Variants in PTPRD observed in about 807,000 individuals in gnomAD.
PTPRD encodes the protein receptor-type tyrosine-protein phosphatase delta.
A neutral mutation model predicts 214.5 loss-of-function variants in PTPRD; 34 were observed. That is an observed-to-expected ratio of 0.16 (90% CI 0.12 to 0.21). The LOEUF (loss-of-function observed/expected upper bound fraction) is 0.21. PTPRD is among the 10% of genes least tolerant of loss of function. PTPRD has a pLI of 1.00. For synonymous variants in PTPRD, 1,128 were observed against 845.7 expected, an observed-to-expected ratio of 1.33 and a Z score of -5.79; for missense variants, 2,545 against 2,398.7, an observed-to-expected ratio of 1.06 and a Z score of -1.27.
chr9:10,180,777 T>C (rs1217448462), intron 3 of PTPRD, among the ~76,000 whole-genome samples: 1 of 151,992 alleles, frequency 6.6e-6, no homozygotes, highest in Non-Finnish European at 1.5e-5. Flanking sequence ...TATTTATAAA[T>C]GTAAATATTT....
chr9:10,079,676 C>A (rs1432459936), intron 3 of PTPRD, among the ~76,000 whole-genome samples: 1 of 152,100 alleles, frequency 6.6e-6, no homozygotes, highest in East Asian at 1.9e-4. Flanking sequence ...ATCTGTTAAA[C>A]CCCAAGATCT....
chr9:9,964,158 T>C (rs914591847), intron 4 of PTPRD, among the ~76,000 whole-genome samples: 4 of 130,016 alleles, frequency 3.1e-5, no homozygotes, highest in Non-Finnish European at 5.4e-5. Flanking sequence ...CAGAAAGATA[T>C]CTATTTCAAT....
rs77682487 is a variant in PTPRD at position 9,318,534 on chromosome 9, T to G, written c.-203+78915A>C. On this transcript the variant is annotated intron_variant, in intron 9 of 45. Transcript: ENST00000381196. ...AAAGTATTACAAAATGTAATACTAC[T>G]AGCATCCAAATACTTTAGATCTATC... 3.3e-5 allele frequency among the ~76,000 whole-genome samples: 5 copies of G among 152,318 alleles called. No individual in the cohort carries two copies. In the East Asian group the frequency reaches 9.6e-4, roughly 29 times the overall value.
chr9:9,324,910 G>A (rs1202822819), intron 9 of PTPRD, among the ~76,000 whole-genome samples: 2 of 152,176 alleles, frequency 1.3e-5, no homozygotes, highest in African/African-American at 4.8e-5. Flanking sequence ...TTCTACGTAT[G>A]GCTAGCCAGT....
At chr9:8,619,732 C>G (rs1463379897) in intron 14 of PTPRD, among the ~76,000 whole-genome samples, 1 of 151,890 alleles carries the variant, frequency 6.6e-6, no homozygotes, top group Non-Finnish European at 1.5e-5. Context: ...ACAACCAACT[C>G]AGCAGCCCCT....
chr9:10,268,846 G>A (rs1184239127), intron 3 of PTPRD, among the ~76,000 whole-genome samples: 1 of 152,192 alleles, frequency 6.6e-6, no homozygotes, highest in East Asian at 1.9e-4. Flanking sequence ...GGTGAAGAGG[G>A]TTGGCTAAAT....
At chr9:10,535,099 G>T (rs1264356320) in intron 2 of PTPRD, among the ~76,000 whole-genome samples, 1 of 152,132 alleles carries the variant, frequency 6.6e-6, no homozygotes, top group African/African-American at 2.4e-5. Flanking sequence ...CAGCCTGAAT[G>T]TCAGGAACTG....
At chr9:9,393,957 T>A (rs960565979) in intron 9 of PTPRD, among the ~76,000 whole-genome samples, 29 of 152,138 alleles carry the variant, frequency 1.9e-4, no homozygotes, top group African/African-American at 6.8e-4. Flanking sequence ...AATACTTTCC[T>A]GATAGCTAGT....
rs758704298 is a variant in PTPRD, at chr9:10,076,331, G to T, written c.-544-42541C>A. On this transcript the variant is annotated intron_variant, in intron 3 of 45. Coordinates refer to ENST00000381196, the MANE Select transcript of PTPRD (RefSeq NM_002839.4). ...CAGCTGGGGAGAAAGGTTTAAGAGC[G>T]GGTGTAAACCTTATCTCTGTGGGAA... Among the ~76,000 whole-genome samples the T allele has an allele frequency of 1.3e-3, 191 of 151,998 alleles. 3 individuals are homozygous for T. Among genetic ancestry groups the T allele is most frequent in the Non-Finnish European group, 3.2e-4 (22 of 67,988 alleles).
intron 11 of PTPRD, among the ~76,000 whole-genome samples, chr9:9,017,189 C>A (rs1342105269): frequency 6.6e-6 from 1 of 152,088 alleles, no homozygotes; most frequent in Non-Finnish European, 1.5e-5. Context: ...ACAACAGCAA[C>A]AACCATAAAC....
rs772453868 is a variant in PTPRD at position 8,314,334 on chromosome 9, G to A, written c.*3540C>T. 10 of 225,948 alleles carry A rather than the reference G, an allele frequency of 4.4e-5. No homozygotes were observed. The highest frequency in any genetic ancestry group is 6.7e-5 in the African/African-American group (3 of 44,896). 14.0% of individuals were successfully genotyped at this position (225,948 alleles called of 1,614,324 possible). ...ACTGATTTTCATACAGACTTCTTTCGCCACCAATGTAACGAAGTAAGAAAA... is the reference window on the plus strand; with the variant it reads ...ACTGATTTTCATACAGACTTCTTTCACCACCAATGTAACGAAGTAAGAAAA... On this transcript the variant is annotated 3_prime_UTR_variant, in exon 46 of 46. Transcript: ENST00000381196.
chr9:10,456,448 A>G (rs904814552), intron 2 of PTPRD, among the ~76,000 whole-genome samples: 2 of 151,926 alleles, frequency 1.3e-5, no homozygotes, highest in South Asian at 2.1e-4. Context: ...TAAAAGATCA[A>G]AGTGAGAACT....
At chr9:9,239,264 G>T (rs902033881) in intron 9 of PTPRD, among the ~76,000 whole-genome samples, 1 of 151,612 alleles carries the variant, frequency 6.6e-6, no homozygotes. Flanking sequence ...AAGGCTTTTG[G>T]TTCATGTGAT....
chr9:9,959,110 C>T (rs564420817), intron 4 of PTPRD, among the ~76,000 whole-genome samples: 133 of 152,080 alleles, frequency 8.7e-4, no homozygotes, highest in African/African-American at 3.1e-3. Context: ...AGATGTTCAA[C>T]AGATGAATGA....
At chr9:9,741,289 A>G (rs1043559230) in intron 6 of PTPRD, among the ~76,000 whole-genome samples, 1 of 152,184 alleles carries the variant, frequency 6.6e-6, no homozygotes, top group Non-Finnish European at 1.5e-5. Flanking sequence ...GAAACATGGG[A>G]GAAAAGAAGG....
At chr9:9,980,940 T>TC (rs71321207) in intron 4 of PTPRD, among the ~76,000 whole-genome samples, 113,132 of 151,894 alleles carry the variant, frequency 0.74, 42,838 homozygotes, top group Middle Eastern at 0.88. Context: ...TTCATTATAC[T>TC]CTGGTAAGAA....
At chr9:8,511,446 C>T (rs2097680281) in intron 21 of PTPRD, among the ~76,000 whole-genome samples, 1 of 151,520 alleles carries the variant, frequency 6.6e-6, no homozygotes, top group South Asian at 2.1e-4. Context: ...TTTTTTTAAC[C>T]TTCACTTACC....
At chr9:9,510,824 C>T (rs1045140580) in intron 8 of PTPRD, among the ~76,000 whole-genome samples, 1 of 151,500 alleles carries the variant, frequency 6.6e-6, no homozygotes, top group Non-Finnish European at 1.5e-5. Flanking sequence ...GGAAAACAAC[C>T]TTAAATGCCT....
chr9:8,741,801 G>A (rs1006178709), intron 11 of PTPRD, among the ~76,000 whole-genome samples: 5 of 151,796 alleles, frequency 3.3e-5, no homozygotes, highest in Admixed American at 6.6e-5. Flanking sequence ...ATATTGGCCA[G>A]GCTGGTGTCA....
Sources: allele counts gnomAD v4.1 joint callset (sites outside exome capture counted in the v4.1 genomes callset), GRCh38; gene constraint gnomAD v4.1.1; transcripts MANE v1.5; gene names NCBI Gene and HGNC (gene_info 2026-07-23, HGNC 2026-07-21).